Variants in MCTP1 observed in about 807,000 individuals in gnomAD.
MCTP1 encodes multiple C2 and transmembrane domain containing 1.
In MCTP1, 69 loss-of-function variants were observed where a neutral mutation model predicts 120.6. That is an observed-to-expected ratio of 0.57 (90% confidence interval 0.47 to 0.70). The LOEUF is 0.70. MCTP1 is among the 30% of genes least tolerant of loss of function. MCTP1 has a pLI of 0.00. For synonymous variants in MCTP1, 529 were observed against 493.1 expected, an observed-to-expected ratio of 1.07 and a Z score of -0.96; for missense variants, 1,203 against 1,248.8, an observed-to-expected ratio of 0.96 and a Z score of 0.55.
rs1301089701 is a variant in MCTP1 at position 95,284,972 on chromosome 5, G to T, written c.-397C>A. Among the ~76,000 whole-genome samples, 3 of 152,120 alleles carry T rather than the reference G, an allele frequency of 2.0e-5. No homozygotes were observed. The East Asian group carries it at 5.8e-4, about 29-fold the overall frequency. On this transcript the variant is annotated 5_prime_UTR_variant, in exon 1 of 23. Coordinates refer to ENST00000515393, the MANE Select transcript of MCTP1 (RefSeq NM_024717.7). This position sits in a 1 kb window ranked among gnomAD's most constrained non-coding sequence, Gnocchi z 5.2. Reference sequence around the variant, plus strand: ...CCGAGCTCGGGAAGCTGCACGCACCGGGGCGTGCGCGTCCAGCTGCGCCAG... The same window carrying T: ...CCGAGCTCGGGAAGCTGCACGCACCTGGGCGTGCGCGTCCAGCTGCGCCAG...
chr5:95,267,132 C>T (rs1270109614), intron 1 of MCTP1, among the ~76,000 whole-genome samples: 1 of 152,038 alleles, frequency 6.6e-6, no homozygotes. Context: ...CAAATTAAAT[C>T]CCCTTTACCA....
At chr5:95,263,378 A>G (rs368494500) in intron 1 of MCTP1, among the ~76,000 whole-genome samples, 2 of 152,136 alleles carry the variant, frequency 1.3e-5, no homozygotes, top group East Asian at 3.9e-4. Context: ...CTCCCTTCCC[A>G]TGCACCTCCA....
chr5:95,284,142 C>A lies in MCTP1; in HGVS notation c.434G>T (p.Gly145Val), dbSNP rs1760558132. 2 of 1,555,642 alleles carry A rather than the reference C, an allele frequency of 1.3e-6. No individual in the cohort carries two copies. Among genetic ancestry groups the A allele is most frequent in the African/African-American group, 2.7e-5 (2 of 72,792 alleles). The change falls in exon 1 of 23, where the codon GGG (glycine) becomes GTG (valine). Residue 145 changes from glycine (G) to valine (V), a missense_variant. Transcript: ENST00000515393. The surrounding 1 kb of genome is among the most constrained non-coding windows in gnomAD (Gnocchi z 5.2). Reference protein sequence around the residue: ...GPAAASGAAGGTPPGGRSPDS... With the variant: ...GPAAASGAAGVTPPGGRSPDS... ...GGGGGAGCGTCCGCCAGGAGGCGTCCCTCCCGCTGCTCCCGAGGCCGCCGC... is the reference window on the plus strand; with the variant it reads ...GGGGGAGCGTCCGCCAGGAGGCGTCACTCCCGCTGCTCCCGAGGCCGCCGC...
intron 1 of MCTP1, among the ~76,000 whole-genome samples, chr5:95,147,230 G>A (rs972963134): frequency 3.9e-5 from 6 of 152,066 alleles, no homozygotes; most frequent in Non-Finnish European, 8.8e-5. Flanking sequence ...GGGACTACAG[G>A]TGCCGCCACC....
chr5:94,868,223 G>A, intron 17 of MCTP1, 110 bp downstream of exon 17: 1 of 1,048,616 alleles, frequency 9.5e-7, no homozygotes, highest in Non-Finnish European at 1.3e-6. Context: ...CTTAAAATAG[G>A]AGTTTTAAAA....
intron 19 of MCTP1, among the ~76,000 whole-genome samples, chr5:94,754,301 T>C (rs1769218359): frequency 6.6e-6 from 1 of 152,194 alleles, no homozygotes; most frequent in African/African-American, 2.4e-5. Flanking sequence ...GGAAGGTCCG[T>C]CAGTTAAGTA....
Position 95,101,101 on chromosome 5 carries a change from C to A in MCTP1, c.721-83617G>T, listed in dbSNP as rs191641463. Reference sequence around the variant, plus strand: ...AATTAGAAAGAAAGTAAAAAAAAAACCAAACAAACTATGACTCTATATTGC... The same window carrying A: ...AATTAGAAAGAAAGTAAAAAAAAAAACAAACAAACTATGACTCTATATTGC... On this transcript the variant is annotated intron_variant, in intron 1 of 22. Transcript: ENST00000515393. Among the ~76,000 whole-genome samples, 1,230 of 151,218 alleles carry A rather than the reference C, an allele frequency of 8.1e-3. 6 individuals carry two copies. The highest frequency in any genetic ancestry group is 0.02 in the South Asian group (94 of 4,794).
intron 1 of MCTP1, chr5:95,081,594 G>A: frequency 6.8e-7 from 1 of 1,466,552 alleles, no homozygotes; most frequent in South Asian, 1.4e-5. Context: ...CCAAGTGATA[G>A]CAACAGCCCT....
rs544871341 is a variant in MCTP1 at position 94,731,451 on chromosome 5, TTAC to T, written c.2611-16568_2611-16566del. Among the ~76,000 whole-genome samples, 75 of 152,338 alleles carry T rather than the reference TTAC, an allele frequency of 4.9e-4. 2 individuals carry two copies. Among genetic ancestry groups the T allele is most frequent in the Admixed American group, 3.2e-3 (49 of 15,310 alleles). ...AAAAATGTTACTTATTAACATTTTATTACTATTATTTGTTACTGTAATTATCTG... is the reference window on the plus strand; with the variant it reads ...AAAAATGTTACTTATTAACATTTTATTATTATTTGTTACTGTAATTATCTG... On this transcript the variant is annotated intron_variant, in intron 19 of 22. Coordinates refer to ENST00000515393, the MANE Select transcript of MCTP1 (RefSeq NM_024717.7).
intron 1 of MCTP1, among the ~76,000 whole-genome samples, chr5:95,077,334 T>C (rs193011580): frequency 2.0e-5 from 3 of 152,324 alleles, no homozygotes; most frequent in Non-Finnish European, 2.9e-5. Context: ...TTCAAATTTA[T>C]TTTGACCTTT....
chr5:94,830,315 C>T (rs1788222223), intron 17 of MCTP1, among the ~76,000 whole-genome samples: 2 of 152,188 alleles, frequency 1.3e-5, no homozygotes, highest in Non-Finnish European at 2.9e-5. Context: ...GTAAGCTATC[C>T]CTGACATTTG....
intron 3 of MCTP1, among the ~76,000 whole-genome samples, chr5:94,951,635 C>T (rs1820614181): frequency 2.0e-5 from 3 of 152,072 alleles, no homozygotes; most frequent in East Asian, 1.9e-4. Flanking sequence ...AGAAATAATA[C>T]TTCCTTCACA....
At chr5:94,740,739 C>A (rs996337915) in intron 19 of MCTP1, among the ~76,000 whole-genome samples, 2 of 152,188 alleles carry the variant, frequency 1.3e-5, no homozygotes, top group Non-Finnish European at 2.9e-5. Context: ...CAGAGTATAG[C>A]AGGCCAGGCT....
intron 1 of MCTP1, among the ~76,000 whole-genome samples, chr5:95,089,721 A>G (rs1342454980): frequency 6.6e-6 from 1 of 152,132 alleles, no homozygotes; most frequent in African/African-American, 2.4e-5. Flanking sequence ...GTTCCCCTCC[A>G]GTTTAATGTA....
intron 17 of MCTP1, among the ~76,000 whole-genome samples, chr5:94,810,136 T>C (rs895519573): frequency 6.6e-6 from 1 of 152,104 alleles, no homozygotes; most frequent in African/African-American, 2.4e-5. Flanking sequence ...CACTGTGATC[T>C]TTTATTTAAG....
intron 12 of MCTP1, among the ~76,000 whole-genome samples, chr5:94,877,999 T>C (rs965961110): frequency 2.0e-5 from 3 of 152,124 alleles, no homozygotes; most frequent in South Asian, 2.1e-4. Flanking sequence ...AGGCTTTCAA[T>C]AGCATGGAAA....
intron 17 of MCTP1, chr5:94,868,116 T>G (rs1200349923): frequency 8.2e-6 from 3 of 363,822 alleles, no homozygotes; most frequent in South Asian, 1.3e-4. Flanking sequence ...TGAGATGTCT[T>G]GCGTTCCGGA....
At chr5:95,030,845 A>G (rs1020968417) in intron 1 of MCTP1, among the ~76,000 whole-genome samples, 4 of 152,168 alleles carry the variant, frequency 2.6e-5, no homozygotes, top group African/African-American at 9.7e-5. Context: ...AAACAGATAA[A>G]GAACTCAAAA....
At position 95,251,231 on chromosome 5, in the gene MCTP1, T is replaced by A. The variant is rs1757352987; in HGVS notation, c.720+32625A>T. 2.6e-5 allele frequency among the ~76,000 whole-genome samples: 4 copies of A among 151,876 alleles called. No homozygotes were observed. The South Asian group carries it at 6.2e-4, about 24-fold the overall frequency. On this transcript the variant is annotated intron_variant, in intron 1 of 22. Transcript: ENST00000515393. ...AGAAAGGGGCCAGCAATCAAATATC[T>A]GAAATAAGCACTTTGCAAGCAGAAG...
Sources: allele counts gnomAD v4.1 joint callset (sites outside exome capture counted in the v4.1 genomes callset), GRCh38; gene constraint gnomAD v4.1.1; non-coding constraint Gnocchi (gnomAD v3.1); transcripts MANE v1.5; gene names NCBI Gene and HGNC (gene_info 2026-07-23, HGNC 2026-07-21).